SLMAP: variants seen among roughly 807,000 people sequenced by gnomAD.
The protein encoded by SLMAP is sarcolemmal membrane-associated protein.
A neutral mutation model predicts 128.8 loss-of-function variants in SLMAP; 44 were observed. The ratio of observed to expected loss-of-function variants is 0.34; its 90% confidence interval spans 0.27 to 0.44. The LOEUF (loss-of-function observed/expected upper bound fraction) is 0.44. SLMAP is among the 20% of genes least tolerant of loss of function. The pLI is 1.00. For missense variants in SLMAP, 787 were observed against 985.3 expected, an observed-to-expected ratio of 0.80 and a Z score of 2.69; for synonymous variants, 327 against 348.8, an observed-to-expected ratio of 0.94 and a Z score of 0.70.
intron 6 of SLMAP, among the ~76,000 whole-genome samples, chr3:57,855,640 G>T (rs567855075): frequency 6.9e-6 from 1 of 144,614 alleles, no homozygotes; most frequent in East Asian, 2.1e-4. Context: ...ACTTTGGATG[G>T]CTAAGGTGGG....
chr3:57,793,896 TAA>T (rs76713113), intron 2 of SLMAP, among the ~76,000 whole-genome samples: 36 of 130,238 alleles, frequency 2.8e-4, no homozygotes, highest in Non-Finnish European at 2.3e-4. Flanking sequence ...CTATCTTTCT[TAA>T]AAAAAAAAAA....
chr3:57,895,587 G>A lies in SLMAP; in HGVS notation c.1361-924G>A, dbSNP rs113512770. 3.1e-3 allele frequency among the ~76,000 whole-genome samples: 477 copies of A among 152,042 alleles called. 4 individuals carry two copies. The highest frequency in any genetic ancestry group is 0.01 in the African/African-American group (424 of 41,502). ...CTGACCTCATGATCCATCCACCTCA[G>A]CCTCCGAAAGTGCTGGGATTACAGG... On this transcript the variant is annotated intron_variant, in intron 15 of 24. Coordinates refer to ENST00000671191, the MANE Select transcript of SLMAP (RefSeq NM_001377540.1).
intron 17 of SLMAP, among the ~76,000 whole-genome samples, chr3:57,904,738 A>T (rs2153672114): frequency 6.6e-6 from 1 of 152,170 alleles, no homozygotes; most frequent in Non-Finnish European, 1.5e-5. Context: ...ATATCTGGAG[A>T]CATTTTAGTT....
At chr3:57,854,357 G>A (rs1225844878) in intron 6 of SLMAP, among the ~76,000 whole-genome samples, 1 of 151,924 alleles carries the variant, frequency 6.6e-6, no homozygotes, top group African/African-American at 2.4e-5. Context: ...CAACACTTTG[G>A]GAGGCCGAGG....
chr3:57,865,031 C>G (rs1464682963), intron 12 of SLMAP, among the ~76,000 whole-genome samples, 174 bp downstream of exon 12: 1 of 152,018 alleles, frequency 6.6e-6, no homozygotes, highest in Non-Finnish European at 1.5e-5. Flanking sequence ...CCAGTGGGCA[C>G]CATTGTTTTC....
intron 22 of SLMAP, among the ~76,000 whole-genome samples, chr3:57,919,327 G>A (rs2096871572): frequency 6.6e-6 from 1 of 151,740 alleles, no homozygotes; most frequent in African/African-American, 2.4e-5. Flanking sequence ...GTTGTGGTGA[G>A]CTGAGATCAG....
At chr3:57,924,480 T>G (rs2096968045) in intron 23 of SLMAP, among the ~76,000 whole-genome samples, 1 of 151,842 alleles carries the variant, frequency 6.6e-6, no homozygotes, top group Admixed American at 6.6e-5. Context: ...GCAGTTCTCC[T>G]GCCTTAGCCT....
At chr3:57,807,428 G>A (rs1026075629) in intron 2 of SLMAP, among the ~76,000 whole-genome samples, 1 of 152,118 alleles carries the variant, frequency 6.6e-6, no homozygotes, top group African/African-American at 2.4e-5. Flanking sequence ...TTGGCTGTGG[G>A]TTTGTCCTGA....
intron 2 of SLMAP, among the ~76,000 whole-genome samples, chr3:57,763,526 C>T (rs189737850): frequency 3.3e-4 from 50 of 152,208 alleles, no homozygotes; most frequent in African/African-American, 1.1e-3. Flanking sequence ...CCACCCGCCC[C>T]GGCCTCCTAA....
intron 2 of SLMAP, among the ~76,000 whole-genome samples, chr3:57,795,209 A>G (rs562017120): frequency 1.3e-5 from 2 of 152,188 alleles, no homozygotes; most frequent in Non-Finnish European, 2.9e-5. Context: ...AGACATTTGT[A>G]TGTATCTTTT....
intron 22 of SLMAP, among the ~76,000 whole-genome samples, chr3:57,920,163 G>A (rs1461895488): frequency 1.3e-5 from 2 of 152,278 alleles, no homozygotes; most frequent in Non-Finnish European, 2.9e-5. Flanking sequence ...AGAAACTAGT[G>A]TAGGTACAAT....
chr3:57,808,248 T>C (rs1000587354), intron 2 of SLMAP, among the ~76,000 whole-genome samples: 4 of 152,170 alleles, frequency 2.6e-5, no homozygotes, highest in Non-Finnish European at 4.4e-5. Context: ...TTTTTGTGTC[T>C]GTATCTCCTT....
chr3:57,760,687 C>G (rs964036300), intron 2 of SLMAP, among the ~76,000 whole-genome samples: 1 of 151,834 alleles, frequency 6.6e-6, no homozygotes, highest in African/African-American at 2.4e-5. Flanking sequence ...CCACTGCACT[C>G]CAGCCTGGGT....
In SLMAP at chr3:57,857,801, C is replaced by T. The variant is rs1430781128; in HGVS notation, c.588C>T (p.Thr196=). ...CGCTTCAGCGGCTACTAGCCATCAC[C>T]CAAGAGGCTTCAGATACCAGTTGGC... ...LATLQRLLAI[T]QEASDTSWQA... The change falls in exon 7 of 25, where the codon ACC becomes ACT. Residue 196 remains threonine (T), a synonymous_variant. Transcript: ENST00000671191. 6.2e-7 allele frequency: 1 copy of T among 1,612,950 alleles called. No individual in the cohort carries two copies. The highest frequency in any genetic ancestry group is 1.3e-5 in the African/African-American group (1 of 74,922).
chr3:57,843,771 C>CTTTT (rs1452471124), intron 4 of SLMAP, among the ~76,000 whole-genome samples: 1 of 90,326 alleles, frequency 1.1e-5, no homozygotes, highest in Non-Finnish European at 2.2e-5. Flanking sequence ...TCTTTCTTTT[C>CTTTT]TTTCTTTTTT....
chr3:57,830,559 T>G (rs533783440), intron 2 of SLMAP, among the ~76,000 whole-genome samples: 15 of 152,328 alleles, frequency 9.8e-5, no homozygotes, highest in Non-Finnish European at 1.5e-4. Context: ...GCTGAAATTT[T>G]TAAGGATTTG....
At chr3:57,916,298 A>G (rs1397487182) in intron 21 of SLMAP, among the ~76,000 whole-genome samples, 1 of 152,204 alleles carries the variant, frequency 6.6e-6, no homozygotes, top group East Asian at 1.9e-4. Context: ...GGTATCTGGT[A>G]TAGGTCTAAG....
intron 14 of SLMAP, among the ~76,000 whole-genome samples, chr3:57,874,520 C>T (rs1198496211): frequency 6.6e-6 from 1 of 151,766 alleles, no homozygotes; most frequent in East Asian, 1.9e-4. Context: ...GGGAAAATCA[C>T]TCGAGCCTAA....
intron 22 of SLMAP, among the ~76,000 whole-genome samples, chr3:57,921,774 C>A (rs2096923466): frequency 6.6e-6 from 1 of 152,052 alleles, no homozygotes; most frequent in African/African-American, 2.4e-5. Context: ...GGTGCAACAT[C>A]AGCTCACTGC....
Sources: allele counts gnomAD v4.1 joint callset (sites outside exome capture counted in the v4.1 genomes callset), GRCh38; gene constraint gnomAD v4.1.1; transcripts MANE v1.5; gene names NCBI Gene and HGNC (gene_info 2026-07-23, HGNC 2026-07-21).